FAM47E: variants seen among roughly 807,000 people sequenced by gnomAD.
FAM47E encodes family with sequence similarity 47 member E, also known as protein FAM47E.
FAM47E carries 32 observed loss-of-function variants against 41.6 expected under a neutral mutation model. That is an observed-to-expected ratio of 0.77 (90% CI 0.58 to 1.03). The LOEUF (loss-of-function observed/expected upper bound fraction) is 1.03. Ranked by LOEUF, FAM47E falls within the 50% of genes least tolerant of loss-of-function variation. FAM47E has a pLI of 0.00. For synonymous variants in FAM47E, 184 were observed against 188.7 expected (o/e 0.98, Z 0.20); for missense variants, 424 against 485.4 (o/e 0.87, Z 1.19).
chr4:76,278,067 A>T lies in FAM47E; in HGVS notation c.871-2A>T. 2.0e-6 allele frequency: 3 copies of T among 1,490,128 alleles called. No homozygotes were observed. The allele number at this position is 1,490,128 out of a possible 1,614,324, so 92.3% of individuals were successfully genotyped here. ...CACTGGGAATTATGTTACTTTCCAC[A>T]GAATCCTTATAAGCCAAAGTGGGTG... On this transcript the variant is annotated splice_acceptor_variant, in intron 5 of 7. Transcript: ENST00000424749. LOFTEE classifies it high-confidence loss of function.
intron 2 of FAM47E, among the ~76,000 whole-genome samples, chr4:76,220,499 C>T (rs113756175): frequency 2.4e-4 from 37 of 152,134 alleles, no homozygotes; most frequent in African/African-American, 8.0e-4. Flanking sequence ...CGGTGGCATG[C>T]ACCTATAGTC....
chr4:76,244,295 T>G (rs559896615), intron 2 of FAM47E, among the ~76,000 whole-genome samples: 1 of 152,284 alleles, frequency 6.6e-6, no homozygotes, highest in Non-Finnish European at 1.5e-5. Flanking sequence ...TTTCTAGTTC[T>G]AGATCCTTGA....
chr4:76,283,282 T>C (rs927981030), intron 7 of FAM47E, 99 bp from the exon 8 acceptor site: 1 of 660,992 alleles, frequency 1.5e-6, no homozygotes, highest in Non-Finnish European at 2.7e-6. Flanking sequence ...TATATTAGAG[T>C]GTGAAATTTT....
At chr4:76,217,086 C>T (rs1336729397) in intron 1 of FAM47E, among the ~76,000 whole-genome samples, 1 of 152,214 alleles carries the variant, frequency 6.6e-6, no homozygotes, top group Non-Finnish European at 1.5e-5. Context: ...CATTTCTGAT[C>T]TATAGGACAT....
intron 1 of FAM47E, among the ~76,000 whole-genome samples, chr4:76,254,546 G>A (rs577980891): frequency 6.6e-6 from 1 of 152,066 alleles, no homozygotes; most frequent in Non-Finnish European, 1.5e-5. Context: ...AGTAGAGTTG[G>A]GTTAAGCCCT....
intron 7 of FAM47E, chr4:76,282,006 G>A (rs1361591062): frequency 2.6e-5 from 4 of 151,628 alleles, no homozygotes. Context: ...GAGATGAGAT[G>A]GTCACATGGG....
chr4:76,276,037 GACACACACACAC>G (rs796893693), intron 5 of FAM47E, among the ~76,000 whole-genome samples: 13 of 62,398 alleles, frequency 2.1e-4, no homozygotes, highest in South Asian at 4.8e-4. Flanking sequence ...CAGACAGACA[GACACACACACAC>G]ACACACACAC....
At position 76,253,780 on chromosome 4, in the gene FAM47E, G is replaced by C. The variant is rs187242602; in HGVS notation, c.74+1960G>C. Among the ~76,000 whole-genome samples, 1,125 of 150,460 alleles carry C rather than the reference G, an allele frequency of 7.5e-3. 10 individuals are homozygous for C. The highest frequency in any genetic ancestry group is 0.023 in the South Asian group (109 of 4,724). ...GATTACACCATTGCACTCCAGCCTG[G>C]GTAACAGAGTGGAACCCTGTCTCGA... On this transcript the variant is annotated intron_variant, in intron 1 of 7. Coordinates refer to ENST00000424749, the MANE Select transcript of FAM47E (RefSeq NM_001136570.3).
At chr4:76,227,452 G>A (rs567592455) in intron 2 of FAM47E, among the ~76,000 whole-genome samples, 127 of 152,194 alleles carry the variant, frequency 8.3e-4, no homozygotes, top group African/African-American at 3.0e-3. Flanking sequence ...CTGTTTTGTG[G>A]CCTATCATAT....
intron 2 of FAM47E, among the ~76,000 whole-genome samples, chr4:76,218,685 T>C (rs998328976): frequency 1.3e-5 from 2 of 152,244 alleles, no homozygotes; most frequent in Admixed American, 6.5e-5. Flanking sequence ...TGCAGACTTA[T>C]TGAAACACGG....
chr4:76,236,903 T>TC (rs1345230662), intron 2 of FAM47E, among the ~76,000 whole-genome samples: 1 of 150,448 alleles, frequency 6.6e-6, no homozygotes, highest in Non-Finnish European at 1.5e-5. Flanking sequence ...CTTTCTTTTT[T>TC]TTTTTTTTTT....
intron 2 of FAM47E, among the ~76,000 whole-genome samples, chr4:76,230,926 G>A (rs1032775817): frequency 1.2e-4 from 18 of 152,158 alleles, no homozygotes; most frequent in Non-Finnish European, 2.4e-4. Flanking sequence ...AATCAGCCAC[G>A]ATCACCTGTG....
chr4:76,229,541 A>G (rs1733457447), intron 2 of FAM47E, among the ~76,000 whole-genome samples: 1 of 152,164 alleles, frequency 6.6e-6, no homozygotes, highest in Admixed American at 6.5e-5. Context: ...TGATCCCTTG[A>G]TGTGGTATGC....
At chr4:76,276,203 T>G (rs530374376) in intron 5 of FAM47E, among the ~76,000 whole-genome samples, 1 of 152,282 alleles carries the variant, frequency 6.6e-6, no homozygotes, top group East Asian at 1.9e-4. Flanking sequence ...GCTAGGGAGA[T>G]GTAGCTGGGA....
rs183557532 is a variant in FAM47E at position 76,252,580 on chromosome 4, C to G, written c.74+760C>G. 1.1e-3 allele frequency among the ~76,000 whole-genome samples: 167 copies of G among 152,240 alleles called. 1 individual carries two copies. The highest frequency in any genetic ancestry group is 3.0e-3 in the Admixed American group (46 of 15,304). On this transcript the variant is annotated intron_variant, in intron 1 of 7. Coordinates refer to ENST00000424749, the MANE Select transcript of FAM47E (RefSeq NM_001136570.3). ...GGGCAATAACTTAGGAATCAGCTTT[C>G]TAAGATTGTCGTGAGGATTAATGGA... is the stretch of plus-strand genomic sequence containing the variant.
chr4:76,214,139 C>T (rs1394757452), exon 1 of FAM47E: 2 of 442,660 alleles, frequency 4.5e-6, no homozygotes, highest in East Asian at 1.4e-4. Context: ...GAGGGCCTCC[C>T]ATGGGCCACG....
At position 76,256,488 on chromosome 4, in the gene FAM47E, C is replaced by G; in HGVS notation, c.385C>G (p.Leu129Val). 1 of 1,551,258 alleles carries G rather than the reference C, an allele frequency of 6.4e-7. No homozygotes were observed. Among genetic ancestry groups the G allele is most frequent in the Non-Finnish European group, 8.7e-7 (1 of 1,146,692 alleles). Residue 129 changes from leucine (L) to valine (V), a missense_variant, in exon 2 of 8, where the codon CTC becomes GTC. Coordinates refer to ENST00000424749, the MANE Select transcript of FAM47E (RefSeq NM_001136570.3). ...CCACCTGACCCCACATCCCTTAGCG[C>G]TCTACCTGAATCTGGAAGAAGCTAT... ...EAHLTPHPLA[L>V]YLNLEEAMPI...
At chr4:76,277,404 T>C (rs902614206) in intron 5 of FAM47E, among the ~76,000 whole-genome samples, 5 of 151,460 alleles carry the variant, frequency 3.3e-5, no homozygotes, top group African/African-American at 1.2e-4. Context: ...GAGAATGGTG[T>C]GAACCTGCGA....
At chr4:76,234,958 A>G (rs1191983403) in intron 2 of FAM47E, among the ~76,000 whole-genome samples, 2 of 152,062 alleles carry the variant, frequency 1.3e-5, no homozygotes, top group South Asian at 4.2e-4. Flanking sequence ...TAAATAGTAA[A>G]ATTAAAGTAA....
Sources: allele counts gnomAD v4.1 joint callset (sites outside exome capture counted in the v4.1 genomes callset), GRCh38; gene constraint gnomAD v4.1.1; transcripts MANE v1.5; gene names NCBI Gene and HGNC (gene_info 2026-07-23, HGNC 2026-07-21).